MEMO1: variants seen among roughly 807,000 people sequenced by gnomAD.
The protein encoded by MEMO1 is protein MEMO1.
MEMO1 carries 6 observed loss-of-function variants against 45.2 expected under a neutral mutation model. That is an observed-to-expected ratio of 0.13 (90% CI 0.07 to 0.26). MEMO1 has a LOEUF of 0.26. Ranked by LOEUF, MEMO1 falls within the 10% of genes least tolerant of loss-of-function variation. MEMO1 has a pLI of 1.00. For synonymous variants in MEMO1, 78 were observed against 124.3 expected (o/e 0.63, Z 2.48); for missense variants, 184 against 370.5 (o/e 0.50, Z 4.13).
chr2:31,893,266 TC>T, intron 6 of MEMO1: 1 of 1,067,200 alleles, frequency 9.4e-7, no homozygotes, highest in Non-Finnish European at 1.2e-6. Flanking sequence ...AATAAACAGA[TC>T]ATACAGATCT....
intron 8 of MEMO1, among the ~76,000 whole-genome samples, chr2:31,875,391 C>T (rs1216402651): frequency 1.3e-5 from 2 of 152,098 alleles, no homozygotes; most frequent in Non-Finnish European, 2.9e-5. Flanking sequence ...CAAAGTACCA[C>T]AAGTGAGTTC....
intron 2 of MEMO1, among the ~76,000 whole-genome samples, chr2:31,997,214 C>A (rs780407558): frequency 5.3e-5 from 8 of 152,068 alleles, no homozygotes; most frequent in Non-Finnish European, 7.4e-5. Flanking sequence ...TCATAGTAAG[C>A]CCCAAACAGG....
chr2:32,000,519 C>T lies in MEMO1; in HGVS notation c.61+9668G>A, dbSNP rs190684842. On this transcript the variant is annotated intron_variant, in intron 2 of 9. Transcript: ENST00000404530. ...TGCTGGGATTACAGGCGTGAGCCAC[C>T]GTGCCCGGCCAATTTTTTGTATTTT... Among the ~76,000 whole-genome samples the T allele has an allele frequency of 6.2e-4, 95 of 152,092 alleles. 2 individuals are homozygous for T. In the East Asian group the frequency reaches 0.016, roughly 25 times the overall value.
At chr2:31,897,589 C>T (rs1029033214) in intron 6 of MEMO1, among the ~76,000 whole-genome samples, 2 of 152,086 alleles carry the variant, frequency 1.3e-5, no homozygotes, top group Admixed American at 6.6e-5. Flanking sequence ...GATGGATATG[C>T]GTTTTGATGT....
At chr2:31,994,198 TG>T (rs1380172960) in intron 2 of MEMO1, among the ~76,000 whole-genome samples, 1 of 148,250 alleles carries the variant, frequency 6.7e-6, no homozygotes, top group African/African-American at 2.5e-5. Context: ...CAACCTCAGG[TG>T]ATCTGCCCAC....
chr2:31,970,582 G>A (rs1175896697), intron 2 of MEMO1, among the ~76,000 whole-genome samples: 1 of 150,544 alleles, frequency 6.6e-6, no homozygotes, highest in East Asian at 1.9e-4. Context: ...TAACCAAACT[G>A]TATAGTTCTC....
At chr2:32,002,051 C>T (rs1411215856) in intron 2 of MEMO1, among the ~76,000 whole-genome samples, 1 of 146,714 alleles carries the variant, frequency 6.8e-6, no homozygotes, top group East Asian at 2.0e-4. Context: ...GAGGCTGAGG[C>T]AGGGGAATCG....
At chr2:31,969,815 G>A (rs576376782) in intron 2 of MEMO1, among the ~76,000 whole-genome samples, 16 of 148,902 alleles carry the variant, frequency 1.1e-4, no homozygotes, top group Non-Finnish European at 1.5e-4. Context: ...TTACTATATT[G>A]CCCAGTCTGG....
intron 4 of MEMO1, among the ~76,000 whole-genome samples, chr2:31,927,870 A>G (rs972047931): frequency 2.0e-5 from 3 of 152,162 alleles, no homozygotes; most frequent in African/African-American, 7.2e-5. Flanking sequence ...AAGATGTTTG[A>G]GAACCACTGT....
At chr2:31,984,795 G>C (rs910175845) in intron 2 of MEMO1, among the ~76,000 whole-genome samples, 3 of 152,058 alleles carry the variant, frequency 2.0e-5, no homozygotes, top group South Asian at 2.1e-4. Context: ...GACAGAGCGA[G>C]ACTCCGTCTC....
At chr2:31,908,376 A>G (rs1187398019) in intron 6 of MEMO1, among the ~76,000 whole-genome samples, 1 of 152,128 alleles carries the variant, frequency 6.6e-6, no homozygotes, top group East Asian at 1.9e-4. Flanking sequence ...TAAAAAAAAC[A>G]ATGAAAGAGA....
chr2:31,882,221 A>G (rs1422003895), intron 8 of MEMO1, among the ~76,000 whole-genome samples: 1 of 152,162 alleles, frequency 6.6e-6, no homozygotes, highest in African/African-American at 2.4e-5. Flanking sequence ...CAGGAGGCTA[A>G]GGCAGGAGAT....
chr2:31,883,559 C>CA, intron 7 of MEMO1, 97 bp from the exon 8 acceptor site: 1 of 828,126 alleles, frequency 1.2e-6, no homozygotes, highest in Non-Finnish European at 1.9e-6. Flanking sequence ...TCATGAAAGG[C>CA]AAAGCACAGC....
rs145266282 is a variant in MEMO1 at position 31,961,849 on chromosome 2, A to C, written c.62-18466T>G. On this transcript the variant is annotated intron_variant, in intron 2 of 9. Transcript: ENST00000404530. ...ACATAGTTATTATCTGTAGTTTATA[A>C]ATAAACCAAAAAAATCAAGTTTCCT... 9.2e-5 allele frequency among the ~76,000 whole-genome samples: 14 copies of C among 152,280 alleles called. No homozygotes were observed. The East Asian group carries it at 2.3e-3, about 25-fold the overall frequency.
chr2:31,915,777 G>A (rs527582419), intron 6 of MEMO1, among the ~76,000 whole-genome samples: 1 of 152,226 alleles, frequency 6.6e-6, no homozygotes, highest in East Asian at 1.9e-4. Context: ...CTTGTGGACC[G>A]GAGCAAGGTG....
chr2:31,892,842 G>A (rs1216456789), intron 6 of MEMO1, among the ~76,000 whole-genome samples: 2 of 152,092 alleles, frequency 1.3e-5, no homozygotes, highest in African/African-American at 4.8e-5. Flanking sequence ...TCTACAGATT[G>A]ACAGATTTAT....
At chr2:31,872,046 A>ACACACACACACAC (rs1201756598) in intron 8 of MEMO1, among the ~76,000 whole-genome samples, 1 of 21,388 alleles carries the variant, frequency 4.7e-5, no homozygotes, top group African/African-American at 1.7e-4. Context: ...CACACACACA[A>ACACACACACACAC]AGTTAAACCT....
At chr2:31,996,998 G>C (rs561146929) in intron 2 of MEMO1, among the ~76,000 whole-genome samples, 27 of 152,288 alleles carry the variant, frequency 1.8e-4, no homozygotes, top group Admixed American at 1.5e-3. Flanking sequence ...TCTACTGTGA[G>C]CTGTCAGGGC....
intron 4 of MEMO1, among the ~76,000 whole-genome samples, chr2:31,928,173 C>G (rs1237811252): frequency 1.3e-5 from 2 of 152,188 alleles, no homozygotes; most frequent in Non-Finnish European, 2.9e-5. Flanking sequence ...TGTTTGTAAA[C>G]AATCTTCATT....
Sources: gnomAD v4.1 joint callset for allele counts (sites outside exome capture counted in the v4.1 genomes callset) on GRCh38, gnomAD v4.1.1 for gene constraint, MANE v1.5 for transcripts, NCBI Gene and HGNC (gene_info 2026-07-23, HGNC 2026-07-21) for gene names.